DTNB: variants seen among roughly 807,000 people sequenced by gnomAD.
DTNB encodes the protein DTN-B.
A neutral mutation model predicts 90.7 loss-of-function variants in DTNB; 63 were observed. That is an observed-to-expected ratio of 0.69 (90% confidence interval 0.57 to 0.86). The LOEUF is 0.86. Ranked by LOEUF, DTNB falls within the 40% of genes least tolerant of loss-of-function variation. The probability of loss-of-function intolerance (pLI) is 0.00; values close to 1 mark genes in which losing one functional copy is unlikely to be tolerated. For synonymous variants in DTNB, 277 were observed against 286.7 expected (o/e 0.97, Z 0.34); for missense variants, 744 against 807.1 (o/e 0.92, Z 0.95).
In DTNB at chr2:25,668,488, G is replaced by A. The variant is rs565959521; in HGVS notation, c.-2+4898C>T. On this transcript the variant is annotated intron_variant, in intron 1 of 20. Coordinates refer to ENST00000406818, the MANE Select transcript of DTNB (RefSeq NM_021907.5). ...GGGTTGTAGCATGCAGTCATGCCATGTAAATGATACATGACATTACGCACT... is the reference window on the plus strand; with the variant it reads ...GGGTTGTAGCATGCAGTCATGCCATATAAATGATACATGACATTACGCACT... 7.9e-5 allele frequency among the ~76,000 whole-genome samples: 12 copies of A among 152,298 alleles called. No homozygotes were observed. The South Asian group carries it at 2.3e-3, about 29-fold the overall frequency.
chr2:25,429,872 T>C (rs2053275079), intron 14 of DTNB, among the ~76,000 whole-genome samples: 1 of 152,154 alleles, frequency 6.6e-6, no homozygotes, highest in African/African-American at 2.4e-5. Flanking sequence ...TAATGAATGA[T>C]TGAAAAGAAA....
At chr2:25,526,389 A>ATT (rs1195477432) in intron 9 of DTNB, among the ~76,000 whole-genome samples, 2 of 58,804 alleles carry the variant, frequency 3.4e-5, no homozygotes, top group African/African-American at 9.1e-5. Context: ...ATATATATAT[A>ATT]TATATATTTT....
chr2:25,453,344 G>A (rs957072699), intron 11 of DTNB, among the ~76,000 whole-genome samples: 1 of 152,156 alleles, frequency 6.6e-6, no homozygotes, highest in Non-Finnish European at 1.5e-5. Context: ...TGATTAGAAA[G>A]GATCCTTATT....
intron 16 of DTNB, among the ~76,000 whole-genome samples, chr2:25,393,701 C>T (rs193075691): frequency 1.3e-5 from 2 of 151,854 alleles, no homozygotes; most frequent in Non-Finnish European, 2.9e-5. Context: ...ATATGAAAGA[C>T]CTCTATAAGG....
At chr2:25,659,881 C>T (rs940807704) in intron 1 of DTNB, among the ~76,000 whole-genome samples, 3 of 151,950 alleles carry the variant, frequency 2.0e-5, no homozygotes, top group Admixed American at 6.6e-5. Flanking sequence ...ATAACAAAAC[C>T]CAACAAAGGC....
intron 10 of DTNB, among the ~76,000 whole-genome samples, chr2:25,456,176 A>G (rs1366383461): frequency 6.6e-6 from 1 of 152,232 alleles, no homozygotes; most frequent in East Asian, 1.9e-4. Flanking sequence ...AAAATAGAGT[A>G]ATCTAATGAC....
intron 16 of DTNB, among the ~76,000 whole-genome samples, chr2:25,388,832 A>G (rs796385129): frequency 5.5e-4 from 41 of 74,316 alleles, no homozygotes; most frequent in African/African-American, 1.7e-3. Context: ...GTGTGTGTGT[A>G]TGTATATATT....
chr2:25,604,301 T>A (rs866565099), intron 5 of DTNB, among the ~76,000 whole-genome samples: 1 of 152,128 alleles, frequency 6.6e-6, no homozygotes, highest in African/African-American at 2.4e-5. Context: ...AAATCCTAAA[T>A]GCATCAGAAA....
Position 25,427,620 on chromosome 2 carries a change from T to C in DTNB, c.1469A>G (p.Asp490Gly). The C allele has an allele frequency of 1.2e-6, 2 of 1,613,228 alleles. No homozygotes were observed. Among genetic ancestry groups the C allele is most frequent in the African/African-American group, 1.3e-5 (1 of 75,018 alleles). Residue 490 changes from aspartate (D) to glycine (G), a missense_variant, in exon 15 of 21, where the codon GAT becomes GGT. By Grantham distance (94) the Asp-to-Gly change is moderately conservative. Coordinates refer to ENST00000406818, the MANE Select transcript of DTNB (RefSeq NM_021907.5). ...AELRLLRQRKDELEQRMSALQ... is the reference protein window; with the variant it reads ...AELRLLRQRKGELEQRMSALQ... ...GGCCGACATCCTCTGCTCCAGTTCA[T>C]CCTTCCTTTGCCTATCCAAGACGAG...
intron 3 of DTNB, among the ~76,000 whole-genome samples, chr2:25,632,885 G>C (rs2076073598): frequency 6.6e-6 from 1 of 152,120 alleles, no homozygotes; most frequent in Admixed American, 6.5e-5. Flanking sequence ...GTTTTGCTCT[G>C]ATAATGGGAA....
rs369693115 is a variant in DTNB, at chr2:25,471,949, A to C, written c.1079+10847T>G. Reference sequence around the variant, plus strand: ...TATTATATTTACACATAATATGTATAAAATAGAGGAATAATACCTTTCTTT... The same window carrying C: ...TATTATATTTACACATAATATGTATCAAATAGAGGAATAATACCTTTCTTT... On this transcript the variant is annotated intron_variant, in intron 10 of 20. Transcript: ENST00000406818. Among the ~76,000 whole-genome samples the C allele has an allele frequency of 8.3e-4, 127 of 152,334 alleles. 9 individuals carry two copies. The South Asian group carries it at 0.017, about 20-fold the overall frequency.
At chr2:25,453,617 G>A (rs1159030354) in intron 11 of DTNB, among the ~76,000 whole-genome samples, 2 of 152,160 alleles carry the variant, frequency 1.3e-5, no homozygotes, top group Non-Finnish European at 2.9e-5. Context: ...ACATTCTGCT[G>A]CTATTTTTAC....
intron 10 of DTNB, among the ~76,000 whole-genome samples, chr2:25,470,829 G>A (rs763317183): frequency 4.6e-5 from 7 of 152,130 alleles, no homozygotes; most frequent in Non-Finnish European, 1.0e-4. Flanking sequence ...CTTCTCTAAT[G>A]TGATCCTTCA....
At chr2:25,506,562 T>G (rs1190279753) in intron 9 of DTNB, among the ~76,000 whole-genome samples, 3 of 152,116 alleles carry the variant, frequency 2.0e-5, no homozygotes, top group African/African-American at 4.8e-5. Context: ...GTTGTTTCCC[T>G]CTATGTGTCC....
chr2:25,598,467 C>T (rs1295799522), intron 5 of DTNB, among the ~76,000 whole-genome samples: 1 of 152,150 alleles, frequency 6.6e-6, no homozygotes, highest in African/African-American at 2.4e-5. Context: ...ATGCAACAAA[C>T]TCTAACACTA....
At position 25,528,404 on chromosome 2, in the gene DTNB, CTAGCCAGCA is replaced by C. The variant is rs1250017313; in HGVS notation, c.1001+3060_1001+3068del. On this transcript the variant is annotated intron_variant, in intron 9 of 20. Coordinates refer to ENST00000406818, the MANE Select transcript of DTNB (RefSeq NM_021907.5). ...TCTATTCAGTATTGCACCGGAGGGG[CTAGCCAGCA>C]TAGTATGCTGCTAGCCCTGCAAAAA... Among the ~76,000 whole-genome samples the C allele has an allele frequency of 1.4e-4, 21 of 152,188 alleles. No individual in the cohort carries two copies. In the South Asian group the frequency reaches 1.9e-3, roughly 14 times the overall value.
At chr2:25,672,824 G>A (rs2086371400) in intron 1 of DTNB, 1 of 152,340 alleles carries the variant, frequency 6.6e-6, no homozygotes. Flanking sequence ...CCTGGCACAG[G>A]AATTTAAGGG....
At chr2:25,632,019 A>AC (rs1168913230) in intron 3 of DTNB, among the ~76,000 whole-genome samples, 9 of 151,976 alleles carry the variant, frequency 5.9e-5, no homozygotes, top group African/African-American at 2.2e-4. Flanking sequence ...ACATGGTGAA[A>AC]CCCCATCTCT....
intron 4 of DTNB, among the ~76,000 whole-genome samples, chr2:25,611,755 C>T (rs554741592): frequency 6.6e-6 from 1 of 152,266 alleles, no homozygotes; most frequent in African/African-American, 2.4e-5. Context: ...AGGAGGATCA[C>T]TTAAGTCCAG....
Sources: gnomAD v4.1 joint callset for allele counts (sites outside exome capture counted in the v4.1 genomes callset) on GRCh38, gnomAD v4.1.1 for gene constraint, MANE v1.5 for transcripts, NCBI Gene and HGNC (gene_info 2026-07-23, HGNC 2026-07-21) for gene names.